PTPN12: variants seen among roughly 807,000 people sequenced by gnomAD.
PTPN12 encodes protein tyrosine phosphatase non-receptor type 12, also known as tyrosine-protein phosphatase non-receptor type 12.
Under a neutral mutation model 97.6 loss-of-function variants are expected in PTPN12, and 29 were observed. The ratio of observed to expected loss-of-function variants is 0.30; its 90% confidence interval spans 0.22 to 0.41. The LOEUF (loss-of-function observed/expected upper bound fraction) is 0.41, where lower values mean the gene tolerates loss of function less well. PTPN12 is among the 10% of genes least tolerant of loss of function. PTPN12 has a pLI of 1.00. For missense variants in PTPN12, 819 were observed against 926.0 expected (o/e 0.88, Z 1.50); for synonymous variants, 327 against 300.4 (o/e 1.09, Z -0.91).
chr7:77,613,720 G>T (rs377088009), intron 11 of PTPN12, among the ~76,000 whole-genome samples: 3 of 151,886 alleles, frequency 2.0e-5, no homozygotes, highest in South Asian at 4.2e-4. Flanking sequence ...TAGCCTCCCA[G>T]ACTCACGGGT....
At chr7:77,606,763 G>A (rs573800713) in intron 8 of PTPN12, among the ~76,000 whole-genome samples, 1 of 152,270 alleles carries the variant, frequency 6.6e-6, no homozygotes, top group South Asian at 2.1e-4. Context: ...TCATCCCATG[G>A]TCCAGTGTGT....
At chr7:77,546,988 A>T (rs1447817420) in intron 1 of PTPN12, among the ~76,000 whole-genome samples, 1 of 152,238 alleles carries the variant, frequency 6.6e-6, no homozygotes, top group African/African-American at 2.4e-5. Context: ...ATCGTGGACC[A>T]TGATAATCTC....
intron 6 of PTPN12, among the ~76,000 whole-genome samples, chr7:77,595,998 T>C (rs981804678): frequency 5.9e-5 from 9 of 152,142 alleles, no homozygotes; most frequent in Non-Finnish European, 1.2e-4. Flanking sequence ...TGCTATCCAG[T>C]TAATTGAAAC....
chr7:77,604,662 C>T (rs1415593805), intron 8 of PTPN12, among the ~76,000 whole-genome samples: 2 of 151,828 alleles, frequency 1.3e-5, no homozygotes, highest in Non-Finnish European at 2.9e-5. Flanking sequence ...GGTTTTTGTC[C>T]ATTGAGATAT....
At chr7:77,596,398 A>T (rs1401571051) in intron 6 of PTPN12, among the ~76,000 whole-genome samples, 5 of 149,782 alleles carry the variant, frequency 3.3e-5, no homozygotes, top group Admixed American at 1.3e-4. Context: ...TTTTAAAAAA[A>T]TTTTTTTTTT....
At chr7:77,630,455 C>G (rs1365157540) in intron 13 of PTPN12, among the ~76,000 whole-genome samples, 1 of 152,166 alleles carries the variant, frequency 6.6e-6, no homozygotes, top group Non-Finnish European at 1.5e-5. Context: ...TACTACACAT[C>G]TGGGCCATAC....
chr7:77,566,746 T>G (rs1474643403), intron 1 of PTPN12, among the ~76,000 whole-genome samples: 1 of 152,150 alleles, frequency 6.6e-6, no homozygotes, highest in Non-Finnish European at 1.5e-5. Flanking sequence ...TAGGGTAGAC[T>G]TAATTGCAAA....
At chr7:77,604,598 C>T (rs1025723441) in intron 8 of PTPN12, among the ~76,000 whole-genome samples, 2 of 152,060 alleles carry the variant, frequency 1.3e-5, no homozygotes, top group Admixed American at 1.3e-4. Context: ...TTTTTCCTGT[C>T]TTCTGCCTGT....
chr7:77,552,198 C>T (rs976284015), intron 1 of PTPN12, among the ~76,000 whole-genome samples: 3 of 152,184 alleles, frequency 2.0e-5, no homozygotes, highest in Non-Finnish European at 4.4e-5. Flanking sequence ...CTCACTGTAG[C>T]CTCAAACTCC....
chr7:77,626,797 C>T lies in PTPN12; in HGVS notation c.1118C>T (p.Ala373Val), dbSNP rs556282603. The change falls in exon 13 of 18, where the codon GCT (alanine) becomes GTT (valine). Residue 373 changes from alanine to valine, a missense_variant. By Grantham distance (64) the Ala-to-Val change is moderately conservative (BLOSUM62 0). Coordinates refer to ENST00000248594, the MANE Select transcript of PTPN12 (RefSeq NM_002835.4). ...ATCTTGACACCTTCTCCCCCTTCAG[C>T]TTTTCCAACAGTCACTACTGTGTGG... ...PPILTPSPPS[A>V]FPTVTTVWQD... The T allele has an allele frequency of 1.9e-6, 3 of 1,614,066 alleles. No individual in the cohort carries two copies. The highest frequency in any genetic ancestry group is 2.5e-6 in the Non-Finnish European group (3 of 1,179,948).
At chr7:77,619,745 AC>A (rs1788869735) in intron 12 of PTPN12, among the ~76,000 whole-genome samples, 1 of 152,224 alleles carries the variant, frequency 6.6e-6, no homozygotes, top group East Asian at 1.9e-4. Flanking sequence ...GCATGTAGTT[AC>A]ATGCCCGGCC....
chr7:77,591,191 T>G (rs1787856415), intron 5 of PTPN12, among the ~76,000 whole-genome samples: 1 of 152,238 alleles, frequency 6.6e-6, no homozygotes, highest in South Asian at 2.1e-4. Flanking sequence ...TACTGTCAAC[T>G]TATAGTTCAT....
At chr7:77,620,817 A>G (rs1399957793) in intron 12 of PTPN12, among the ~76,000 whole-genome samples, 1 of 152,122 alleles carries the variant, frequency 6.6e-6, no homozygotes, top group Admixed American at 6.5e-5. Context: ...GCGTGGTGGC[A>G]CGCGCCTGCA....
At chr7:77,584,182 TA>T (rs1787612337) in intron 4 of PTPN12, among the ~76,000 whole-genome samples, 1 of 152,230 alleles carries the variant, frequency 6.6e-6, no homozygotes, top group African/African-American at 2.4e-5. Context: ...TGCTCTGTAG[TA>T]TTCTTGAAAC....
At chr7:77,568,161 T>C (rs1368719078) in intron 1 of PTPN12, among the ~76,000 whole-genome samples, 1 of 152,220 alleles carries the variant, frequency 6.6e-6, no homozygotes, top group Non-Finnish European at 1.5e-5. Flanking sequence ...ATAGAAAGCA[T>C]TTTAAGAAAT....
At position 77,569,972 on chromosome 7, in the gene PTPN12, G is replaced by A. The variant is rs576338783; in HGVS notation, c.100-1106G>A. 9.9e-5 allele frequency among the ~76,000 whole-genome samples: 15 copies of A among 152,160 alleles called. 1 individual carries two copies. The South Asian group carries it at 2.9e-3, about 29-fold the overall frequency. ...ATTACAAGTGTGAGCCACCATGCTC[G>A]GCCCCCACTTGCTTTTGAATACAGT... On this transcript the variant is annotated intron_variant, in intron 1 of 17. Transcript: ENST00000248594.
At chr7:77,568,882 C>T (rs2041505589) in intron 1 of PTPN12, among the ~76,000 whole-genome samples, 1 of 152,128 alleles carries the variant, frequency 6.6e-6, no homozygotes, top group South Asian at 2.1e-4. Flanking sequence ...CTATAAGTAT[C>T]TAAAAATACA....
At chr7:77,537,842 C>T (rs1345443829) in intron 1 of PTPN12, among the ~76,000 whole-genome samples, 197 bp downstream of exon 1, 2 of 151,914 alleles carry the variant, frequency 1.3e-5, no homozygotes, top group African/African-American at 4.8e-5. Flanking sequence ...CCTTTCTTCT[C>T]CCATGTTCGC....
chr7:77,573,091 AAAAAACAAAAAAAC>A lies in PTPN12; in HGVS notation c.208+1911_208+1924del, dbSNP rs1181180115. 8.2e-5 allele frequency among the ~76,000 whole-genome samples: 9 copies of A among 109,584 alleles called. 2 individuals carry two copies. The highest frequency in any genetic ancestry group is 3.4e-4 in the South Asian group (1 of 2,944). The allele number at this position is 109,584 out of a possible 152,430, so 71.9% of individuals were successfully genotyped here. A position where few individuals can be genotyped will look rare whatever the true frequency, so the allele number is the denominator to read the frequency against. On this transcript the variant is annotated intron_variant, in intron 2 of 17. Transcript: ENST00000248594. ...GAGTAAGACTCTATCTCAAAAAAAA[AAAAAACAAAAAAAC>A]AAAAAAAACCAGTGTACCTAGCACA...
Sources: allele counts gnomAD v4.1 joint callset (sites outside exome capture counted in the v4.1 genomes callset), GRCh38; gene constraint gnomAD v4.1.1; transcripts MANE v1.5; gene names NCBI Gene and HGNC (gene_info 2026-07-23, HGNC 2026-07-21).